The following PLA2R1 variants were observed in gnomAD, a reference collection of about 807,000 sequenced individuals.
PLA2R1 encodes the protein secretory phospholipase A2 receptor.
In PLA2R1, 158 loss-of-function variants were observed where a neutral mutation model predicts 195.9. The observed-to-expected ratio is 0.81, with a 90% CI of 0.71 to 0.92. The LOEUF (loss-of-function observed/expected upper bound fraction) is 0.92. Ranked by LOEUF, PLA2R1 falls within the 40% of genes least tolerant of loss-of-function variation. The probability of loss-of-function intolerance (pLI) is 0.00; values close to 1 mark genes in which losing one functional copy is unlikely to be tolerated. For synonymous variants in PLA2R1, 586 were observed against 598.2 expected (o/e 0.98, Z 0.30); for missense variants, 1,626 against 1,764.6 (o/e 0.92, Z 1.41).
rs888982910 is a variant in PLA2R1, at chr2:160,062,526, C to G, written c.-123G>C. 1 of 1,262,638 alleles carries G rather than the reference C, an allele frequency of 7.9e-7. No homozygotes were observed. The highest frequency in any genetic ancestry group is 2.5e-5 in the African/African-American group (1 of 40,346). The allele number at this position is 1,262,638 out of a possible 1,614,324, so 78.2% of individuals were successfully genotyped here. A position where few individuals can be genotyped will look rare whatever the true frequency, so the allele number is the denominator to read the frequency against. ...AGCGGATCCGTAGCCTCCTCCGCGCCCCACCCCCTCCGGGGGCCTTGCCAG... is the reference window on the plus strand; with the variant it reads ...AGCGGATCCGTAGCCTCCTCCGCGCGCCACCCCCTCCGGGGGCCTTGCCAG... On this transcript the variant is annotated 5_prime_UTR_variant, in exon 1 of 30. Transcript: ENST00000283243.
At chr2:160,047,800 C>T (rs997761413) in intron 1 of PLA2R1, among the ~76,000 whole-genome samples, 1 of 152,126 alleles carries the variant, frequency 6.6e-6, no homozygotes, top group African/African-American at 2.4e-5. Flanking sequence ...AAATTACAAA[C>T]CTAACATTTG....
In PLA2R1 at chr2:160,058,074, G is replaced by GTCC. The variant is rs554531093; in HGVS notation, c.109+4218_109+4220dup. On this transcript the variant is annotated intron_variant, in intron 1 of 29. Coordinates refer to ENST00000283243, the MANE Select transcript of PLA2R1 (RefSeq NM_007366.5). Reference sequence around the variant, plus strand: ...GGCTTTCTTCCCTCTCTGGTCTCATGTCCTCACTCCCTTACCATGCTTTCT... The same window carrying GTCC: ...GGCTTTCTTCCCTCTCTGGTCTCATGTCCTCCTCACTCCCTTACCATGCTTTCT... 1.9e-4 allele frequency among the ~76,000 whole-genome samples: 29 copies of GTCC among 151,924 alleles called. 2 individuals are homozygous for GTCC. In the South Asian group the frequency reaches 5.8e-3, roughly 31 times the overall value.
Position 159,955,646 on chromosome 2 carries a change from G to C in PLA2R1, c.3153+52C>G. 3 of 1,029,392 alleles carry C rather than the reference G, an allele frequency of 2.9e-6. No homozygotes were observed. In the South Asian group the frequency reaches 8.2e-5, roughly 28 times the overall value. The allele number at this position is 1,029,392 out of a possible 1,614,324, so 63.8% of individuals were successfully genotyped here. A position where few individuals can be genotyped will look rare whatever the true frequency, so the allele number is the denominator to read the frequency against. On this transcript the variant is annotated intron_variant, in intron 22 of 29. Transcript: ENST00000283243. Reference sequence around the variant, plus strand: ...AAAAAAGCTTTAGTAAACAAATCTTGAATAAAATATCTTGCCAAAGTGATC... The same window carrying C: ...AAAAAAGCTTTAGTAAACAAATCTTCAATAAAATATCTTGCCAAAGTGATC...
chr2:159,979,774 G>C, intron 14 of PLA2R1, 56 bp downstream of exon 14: 1 of 1,015,500 alleles, frequency 9.8e-7, no homozygotes. Flanking sequence ...TTACCAAGTG[G>C]TCCCAGGCCC....
At position 160,045,007 on chromosome 2, in the gene PLA2R1, C is replaced by T; in HGVS notation, c.260G>A (p.Ser87Asn). 6.2e-7 allele frequency: 1 copy of T among 1,614,044 alleles called. No homozygotes were observed. Among genetic ancestry groups the T allele is most frequent in the Admixed American group, 1.7e-5 (1 of 60,032 alleles). ...SNHGLFNIGG[S>N]GCLGLNFSAP... is the part of the protein sequence containing the mutation. ...GGAGAAATTCAGGCCCAGGCAACCACTGCCTCCTATGTTAAAGAGGCCATG... is the reference window on the plus strand; with the variant it reads ...GGAGAAATTCAGGCCCAGGCAACCATTGCCTCCTATGTTAAAGAGGCCATG... Residue 87 changes from serine to asparagine, a missense_variant, in exon 2 of 30, where the codon AGT becomes AAT. Physicochemically the swap from Ser to Asn is conservative, Grantham distance 46. Coordinates refer to ENST00000283243, the MANE Select transcript of PLA2R1 (RefSeq NM_007366.5).
chr2:159,977,234 G>C lies in PLA2R1; in HGVS notation c.2401+50C>G, dbSNP rs1321448217. ...GGGTGTTTAAATTGGGAAAGTACTA[G>C]AGATTATTAGAAATCAAACATATAG... is the stretch of plus-strand genomic sequence containing the variant. On this transcript the variant is annotated intron_variant, in intron 15 of 29. Coordinates refer to ENST00000283243, the MANE Select transcript of PLA2R1 (RefSeq NM_007366.5). The C allele has an allele frequency of 5.7e-6, 8 of 1,406,184 alleles. No homozygotes were observed. The African/African-American group carries it at 1.1e-4, about 20-fold the overall frequency. The allele number at this position is 1,406,184 out of a possible 1,614,324, so 87.1% of individuals were successfully genotyped here.
Position 159,955,365 on chromosome 2 carries a change from T to A in PLA2R1, c.3154-19A>T. On this transcript the variant is annotated intron_variant, in intron 22 of 29. Coordinates refer to ENST00000283243, the MANE Select transcript of PLA2R1 (RefSeq NM_007366.5). ...TTGGAATCTTTAAAATAATACACGT[T>A]ATCAAAAGTATGATAACATATAGCA... is the stretch of plus-strand genomic sequence containing the variant. The A allele has an allele frequency of 6.6e-7, 1 of 1,514,766 alleles. No individual in the cohort carries two copies. Among genetic ancestry groups the A allele is most frequent in the Middle Eastern group, 1.7e-4 (1 of 5,768 alleles). The allele number at this position is 1,514,766 out of a possible 1,614,324, so 93.8% of individuals were successfully genotyped here.
chr2:159,927,290 T>C (rs933817622), downstream of PLA2R1, among the ~76,000 whole-genome samples: 13 of 152,192 alleles, frequency 8.5e-5, no homozygotes, highest in Admixed American at 7.2e-4. Flanking sequence ...CTTTTAAAGT[T>C]CTCTTTTTAC....
intron 1 of PLA2R1, among the ~76,000 whole-genome samples, chr2:160,046,250 T>G (rs1217411773): frequency 6.6e-6 from 1 of 152,210 alleles, no homozygotes; most frequent in Non-Finnish European, 1.5e-5. Context: ...GCTGCTTAAG[T>G]CACCTCAGTT....
In PLA2R1 at chr2:159,937,335, T is replaced by G. The variant is rs1432510019; in HGVS notation, c.*4443A>C. The G allele has an allele frequency of 6.6e-6, 1 of 152,226 alleles. No homozygotes were observed. The highest frequency in any genetic ancestry group is 1.9e-4 in the East Asian group (1 of 5,206). The allele number at this position is 152,226 out of a possible 1,614,324, so 9.4% of individuals were successfully genotyped here. ...TAGTTCAGTCAATACTATTTTTCTA[T>G]TAAAATGCCTTTACCCTATTACAAG... On this transcript the variant is annotated 3_prime_UTR_variant, in exon 30 of 30. Transcript: ENST00000283243.
chr2:160,040,234 G>C (rs534509896), intron 3 of PLA2R1, among the ~76,000 whole-genome samples: 1 of 151,958 alleles, frequency 6.6e-6, no homozygotes, highest in East Asian at 1.9e-4. Context: ...CTTTCATTCT[G>C]GTTGGTGAAT....
At chr2:160,047,036 C>T (rs1308028015) in intron 1 of PLA2R1, among the ~76,000 whole-genome samples, 1 of 152,156 alleles carries the variant, frequency 6.6e-6, no homozygotes, top group Admixed American at 6.5e-5. Context: ...TGTAGTTCAG[C>T]TTCTACCTAA....
At chr2:159,925,293 T>C in the PLA2R1 span, among the ~76,000 whole-genome samples, 1 of 152,108 alleles carries the variant, frequency 6.6e-6, no homozygotes, top group African/African-American at 2.4e-5. Context: ...TACTTCTCCA[T>C]TGTAGGGGTG....
At chr2:160,006,490 A>G (rs2105400443) in intron 10 of PLA2R1, among the ~76,000 whole-genome samples, 1 of 152,332 alleles carries the variant, frequency 6.6e-6, no homozygotes, top group South Asian at 2.1e-4. Context: ...CAGCTGAATG[A>G]ATTACTGTTC....
chr2:159,955,430 AAAATT>A (rs1440325081), intron 22 of PLA2R1, 84 bp from the exon 23 acceptor site: 16 of 859,038 alleles, frequency 1.9e-5, no homozygotes, highest in Non-Finnish European at 2.5e-5. Context: ...CATTATTTTT[AAAATT>A]AAGACACCAT....
In PLA2R1 at chr2:159,999,450, C is replaced by T. The variant is rs1319864052; in HGVS notation, c.1834+6202G>A. Among the ~76,000 whole-genome samples the T allele has an allele frequency of 7.3e-5, 2 of 27,468 alleles. 1 individual carries two copies. Among genetic ancestry groups the T allele is most frequent in the Non-Finnish European group, 1.3e-4 (2 of 15,992 alleles). 18.0% of individuals were successfully genotyped at this position (27,468 alleles called of 152,430 possible). A position where few individuals can be genotyped will look rare whatever the true frequency, so the allele number is the denominator to read the frequency against. On this transcript the variant is annotated intron_variant, in intron 11 of 29. Transcript: ENST00000283243. ...CGGGATCTCGGCTCACTGCAAGCTC[C>T]GCCTCCCGGGTTCACGCCATTCTCC... is the stretch of plus-strand genomic sequence containing the variant.
chr2:159,963,998 GAATA>G (rs1474662427), intron 20 of PLA2R1, among the ~76,000 whole-genome samples: 1 of 152,016 alleles, frequency 6.6e-6, no homozygotes, highest in African/African-American at 2.4e-5. Context: ...ACAGATGAAT[GAATA>G]AACAAAATAT....
chr2:160,023,766 A>G (rs1287665457), intron 6 of PLA2R1, among the ~76,000 whole-genome samples: 1 of 152,160 alleles, frequency 6.6e-6, no homozygotes, highest in Non-Finnish European at 1.5e-5. Context: ...CATCCCTGCC[A>G]CAGGAACAGC....
At chr2:160,004,733 C>T (rs1348917145) in intron 11 of PLA2R1, among the ~76,000 whole-genome samples, 1 of 151,920 alleles carries the variant, frequency 6.6e-6, no homozygotes, top group Non-Finnish European at 1.5e-5. Flanking sequence ...GGCTGTCAAC[C>T]TCAGCTTAAT....
Sources: allele counts gnomAD v4.1 joint callset (sites outside exome capture counted in the v4.1 genomes callset), GRCh38; gene constraint gnomAD v4.1.1; transcripts MANE v1.5; gene names NCBI Gene and HGNC (gene_info 2026-07-23, HGNC 2026-07-21).